The following IQGAP1 variants were observed in gnomAD, a reference collection of about 807,000 sequenced individuals.
IQGAP1 encodes the protein IQ motif containing GTPase activating protein 1, also known as ras GTPase-activating-like protein IQGAP1.
A neutral mutation model predicts 215.6 loss-of-function variants in IQGAP1; 66 were observed. That is an observed-to-expected ratio of 0.31 (90% CI 0.25 to 0.38). The LOEUF (loss-of-function observed/expected upper bound fraction) is 0.38, where lower values mean the gene tolerates loss of function less well. Among genes scored for constraint, IQGAP1 ranks in the 10% least tolerant of loss-of-function variants. The pLI is 1.00. For synonymous variants in IQGAP1, 772 were observed against 728.7 expected (o/e 1.06, Z -0.96); for missense variants, 1,712 against 1,997.1 (o/e 0.86, Z 2.72).
At chr15:90,394,029 G>A (rs768782586) in intron 2 of IQGAP1, among the ~76,000 whole-genome samples, 1 of 151,718 alleles carries the variant, frequency 6.6e-6, no homozygotes, top group Non-Finnish European at 1.5e-5. Flanking sequence ...CAGCTACTCG[G>A]GAGGCTGAGG....
intron 5 of IQGAP1, among the ~76,000 whole-genome samples, chr15:90,437,294 C>G (rs1035333399): frequency 1.1e-4 from 17 of 152,210 alleles, no homozygotes; most frequent in African/African-American, 3.9e-4. Flanking sequence ...ACCAGGCCCC[C>G]ACCTGGGGAT....
At chr15:90,466,487 T>G in intron 17 of IQGAP1, 51 bp downstream of exon 17, 2 of 1,563,154 alleles carry the variant, frequency 1.3e-6, no homozygotes, top group Non-Finnish European at 1.8e-6. Context: ...CTTGAGTATA[T>G]GAGGGGACAG....
intron 36 of IQGAP1, among the ~76,000 whole-genome samples, chr15:90,495,376 AG>A (rs562516446): frequency 1.4e-5 from 2 of 145,122 alleles, no homozygotes; most frequent in African/African-American, 2.5e-5. Flanking sequence ...TTGTCTGTTT[AG>A]GGGGGGAAAA....
Position 90,426,180 on chromosome 15 carries a change from G to C in IQGAP1, c.226G>C (p.Val76Leu). 6.2e-7 allele frequency: 1 copy of C among 1,601,614 alleles called. No homozygotes were observed. The highest frequency in any genetic ancestry group is 8.5e-7 in the Non-Finnish European group (1 of 1,175,738). ...TELEEGLRNG[V>L]YLAKLGNFFS... is the part of the protein sequence containing the mutation. ...ACTGGAGGAGGGGCTTAGGAATGGG[G>C]TCTACCTTGCCAAACTGGGGAACTT... The change falls in exon 3 of 38, where the codon GTC becomes CTC. Residue 76 changes from valine to leucine, a missense_variant. Physicochemically the swap from Val to Leu is conservative, Grantham distance 32. This residue lies in a region of IQGAP1 where 1,021 missense variants were observed against 1,074.2 expected (regional missense o/e 0.95). Transcript: ENST00000268182.
chr15:90,452,605 G>A (rs910942099), intron 11 of IQGAP1, among the ~76,000 whole-genome samples, 170 bp from the exon 12 acceptor site: 1 of 152,192 alleles, frequency 6.6e-6, no homozygotes, highest in African/African-American at 2.4e-5. Context: ...ATACCGTACA[G>A]TTCACCCTTC....
At chr15:90,396,110 G>T (rs1464267838) in intron 2 of IQGAP1, among the ~76,000 whole-genome samples, 2 of 152,150 alleles carry the variant, frequency 1.3e-5, no homozygotes, top group Non-Finnish European at 2.9e-5. Context: ...TAATTTAGAG[G>T]AATTGAAAAG....
At chr15:90,434,431 T>TC (rs1234461634) in intron 5 of IQGAP1, among the ~76,000 whole-genome samples, 1 of 151,620 alleles carries the variant, frequency 6.6e-6, no homozygotes, top group African/African-American at 2.4e-5. Flanking sequence ...AGAACGAAAC[T>TC]CCATCTAAAA....
intron 4 of IQGAP1, among the ~76,000 whole-genome samples, chr15:90,432,012 T>C (rs1965310116): frequency 6.6e-6 from 1 of 152,190 alleles, no homozygotes; most frequent in South Asian, 2.1e-4. Flanking sequence ...ACCTTCCATG[T>C]CCTAGTGATG....
chr15:90,434,079 G>A (rs1270362464), intron 5 of IQGAP1, among the ~76,000 whole-genome samples: 1 of 151,928 alleles, frequency 6.6e-6, no homozygotes, highest in Non-Finnish European at 1.5e-5. Flanking sequence ...ATTCACTTGG[G>A]GTGCAGTCTC....
intron 15 of IQGAP1, among the ~76,000 whole-genome samples, chr15:90,465,553 G>A (rs796401020): frequency 1.3e-5 from 2 of 152,120 alleles, no homozygotes; most frequent in South Asian, 2.1e-4. Flanking sequence ...ACTCTTGACT[G>A]GAGTGCAGTG....
At chr15:90,392,775 C>T (rs1242428842) in intron 2 of IQGAP1, among the ~76,000 whole-genome samples, 1 of 83,640 alleles carries the variant, frequency 1.2e-5, no homozygotes, top group East Asian at 3.7e-4. Context: ...TGTACAGTCT[C>T]GCTCTGTTGC....
intron 15 of IQGAP1, among the ~76,000 whole-genome samples, chr15:90,457,785 A>T (rs1965706440): frequency 6.6e-6 from 1 of 152,128 alleles, no homozygotes; most frequent in Non-Finnish European, 1.5e-5. Context: ...GGTTAAAAAC[A>T]TATATGTGCA....
intron 15 of IQGAP1, among the ~76,000 whole-genome samples, chr15:90,457,238 A>G (rs1490686523): frequency 1.3e-5 from 2 of 152,040 alleles, no homozygotes; most frequent in Admixed American, 1.3e-4. Flanking sequence ...AAGTGGGATC[A>G]TACCTTATGT....
chr15:90,400,677 C>T (rs1385658509), intron 2 of IQGAP1, among the ~76,000 whole-genome samples: 1 of 152,194 alleles, frequency 6.6e-6, no homozygotes, highest in Non-Finnish European at 1.5e-5. Flanking sequence ...GTTAGTTTGA[C>T]CTCATTTGGC....
intron 11 of IQGAP1, among the ~76,000 whole-genome samples, chr15:90,451,083 C>A (rs568009440): frequency 6.6e-6 from 1 of 151,992 alleles, no homozygotes; most frequent in Non-Finnish European, 1.5e-5. Flanking sequence ...TTCTTCCAGT[C>A]GCTTCATAGT....
At chr15:90,466,551 G>A in intron 17 of IQGAP1, 115 bp downstream of exon 17, 2 of 931,362 alleles carry the variant, frequency 2.1e-6, no homozygotes, top group African/African-American at 1.7e-5. Flanking sequence ...TAGATGTACA[G>A]TACTTAGGCT....
rs1375466841 is a variant in IQGAP1 at position 90,474,664 on chromosome 15, C to G, written c.2755C>G (p.Leu919Val). 9 of 1,613,812 alleles carry G rather than the reference C, an allele frequency of 5.6e-6. No homozygotes were observed. The highest frequency in any genetic ancestry group is 7.6e-6 in the Non-Finnish European group (9 of 1,179,820). ...DLNLMDIKIG[L>V]LVKNKITLQD... ...CAATCTCATGGATATCAAAATTGGA[C>G]TGCTAGTGAAAAATAAGATTACGTT... Residue 919 changes from leucine (L) to valine (V), a missense_variant, in exon 23 of 38, where the codon CTG (leucine) becomes GTG (valine). Physicochemically the swap from Leu to Val is conservative, Grantham distance 32. This residue lies in a region of IQGAP1 where 691 missense variants were observed against 923.0 expected (regional missense o/e 0.75). Coordinates refer to ENST00000268182, the MANE Select transcript of IQGAP1 (RefSeq NM_003870.4).
intron 4 of IQGAP1, among the ~76,000 whole-genome samples, chr15:90,433,516 T>C (rs1965330786): frequency 1.3e-5 from 2 of 152,236 alleles, no homozygotes; most frequent in Non-Finnish European, 2.9e-5. Context: ...TTCTGTATTA[T>C]AGCACTTTAT....
At chr15:90,408,816 G>A (rs1257309011) in intron 2 of IQGAP1, among the ~76,000 whole-genome samples, 1 of 152,144 alleles carries the variant, frequency 6.6e-6, no homozygotes, top group African/African-American at 2.4e-5. Context: ...TTTAGAGAAA[G>A]GGTCTTGCTC....
Sources: allele counts gnomAD v4.1 joint callset (sites outside exome capture counted in the v4.1 genomes callset), GRCh38; gene constraint gnomAD v4.1.1; regional missense constraint gnomAD v4.1.1; transcripts MANE v1.5; gene names NCBI Gene and HGNC (gene_info 2026-07-23, HGNC 2026-07-21).